The following ANKRD17 variants were observed in gnomAD, a reference collection of about 807,000 sequenced individuals.
The protein encoded by ANKRD17 is ankyrin repeat domain 17.
Under a neutral mutation model 229.7 loss-of-function variants are expected in ANKRD17, and 19 were observed. The ratio of observed to expected loss-of-function variants is 0.08; its 90% CI spans 0.06 to 0.12. The LOEUF is 0.12. Ranked by LOEUF, ANKRD17 falls within the 10% of genes least tolerant of loss-of-function variation. The pLI, the probability that ANKRD17 is intolerant of heterozygous loss-of-function variation, is 1.00. For synonymous variants in ANKRD17, 1,112 were observed against 1,146.1 expected, an observed-to-expected ratio of 0.97 and a Z score of 0.60; for missense variants, 2,176 against 3,176.8, an observed-to-expected ratio of 0.68 and a Z score of 7.57.
intron 18 of ANKRD17, among the ~76,000 whole-genome samples, chr4:73,123,414 T>G (rs948087509): frequency 7.2e-5 from 11 of 152,026 alleles, no homozygotes; most frequent in Non-Finnish European, 1.3e-4. Flanking sequence ...GCCCCTACTA[T>G]GAATTATAGA....
chr4:73,208,188 CAAAA>C (rs36126530), intron 1 of ANKRD17, among the ~76,000 whole-genome samples: 1 of 67,962 alleles, frequency 1.5e-5, no homozygotes. Context: ...GACTCCGTCT[CAAAA>C]AAAAAAAAAA....
chr4:73,198,729 T>C (rs1738234512), intron 1 of ANKRD17, among the ~76,000 whole-genome samples: 1 of 152,138 alleles, frequency 6.6e-6, no homozygotes, highest in Non-Finnish European at 1.5e-5. Flanking sequence ...ATCAAAATTA[T>C]AAATATTCCT....
chr4:73,205,211 C>T (rs1189850263), intron 1 of ANKRD17, among the ~76,000 whole-genome samples: 1 of 152,078 alleles, frequency 6.6e-6, no homozygotes, highest in Non-Finnish European at 1.5e-5. Context: ...CCTATAGTTG[C>T]AGCTACTCAG....
intron 1 of ANKRD17, among the ~76,000 whole-genome samples, chr4:73,253,634 C>A (rs1483739490): frequency 6.6e-6 from 1 of 152,196 alleles, no homozygotes; most frequent in Non-Finnish European, 1.5e-5. Context: ...AAAATCCATA[C>A]TTTTAACCTT....
At chr4:73,187,861 C>T (rs886327598) in intron 1 of ANKRD17, among the ~76,000 whole-genome samples, 1 of 152,080 alleles carries the variant, frequency 6.6e-6, no homozygotes, top group African/African-American at 2.4e-5. Flanking sequence ...TGCCAAAAGC[C>T]TATGTTCTAG....
intron 1 of ANKRD17, among the ~76,000 whole-genome samples, chr4:73,183,795 AC>A (rs1384344285): frequency 6.6e-6 from 1 of 152,096 alleles, no homozygotes; most frequent in African/African-American, 2.4e-5. Context: ...GAGTCTCTGT[AC>A]TTTTGTTCAT....
intron 15 of ANKRD17, among the ~76,000 whole-genome samples, chr4:73,138,129 T>C (rs1045554600): frequency 3.3e-5 from 5 of 152,162 alleles, no homozygotes; most frequent in East Asian, 1.9e-4. Context: ...AATTTAGGGT[T>C]AATGGTTACT....
intron 1 of ANKRD17, among the ~76,000 whole-genome samples, chr4:73,226,254 C>T (rs181114136): frequency 1.3e-3 from 197 of 152,034 alleles, no homozygotes; most frequent in Non-Finnish European, 7.1e-4. Flanking sequence ...GGATAACAGG[C>T]GTGAGCCACC....
At chr4:73,203,911 A>T (rs1739058100) in intron 1 of ANKRD17, among the ~76,000 whole-genome samples, 1 of 152,124 alleles carries the variant, frequency 6.6e-6, no homozygotes, top group South Asian at 2.1e-4. Context: ...TGAAACTACT[A>T]AAAATCAACA....
At position 73,150,481 on chromosome 4, in the gene ANKRD17, G is replaced by A. The variant is rs189481751; in HGVS notation, c.1329+949C>T. ...CTCATTTAATCCTCACAACTCCAGAGAAAGATATTTTCCTCATTTTACAGA... is the reference window on the plus strand; with the variant it reads ...CTCATTTAATCCTCACAACTCCAGAAAAAGATATTTTCCTCATTTTACAGA... On this transcript the variant is annotated intron_variant, in intron 7 of 33. Transcript: ENST00000358602. Among the ~76,000 whole-genome samples, 17 of 152,086 alleles carry A rather than the reference G, an allele frequency of 1.1e-4. 1 individual carries two copies. The highest frequency in any genetic ancestry group is 4.1e-4 in the African/African-American group (17 of 41,504).
At chr4:73,148,462 C>T (rs1296082655) in intron 8 of ANKRD17, among the ~76,000 whole-genome samples, 1 of 152,140 alleles carries the variant, frequency 6.6e-6, no homozygotes, top group East Asian at 1.9e-4. Context: ...CTATTAAATA[C>T]TTATTAGTAG....
rs1214524412 is a variant in ANKRD17 at position 73,141,621 on chromosome 4, G to A, written c.2332+120C>T. On this transcript the variant is annotated intron_variant, in intron 14 of 33. Transcript: ENST00000358602. ...TCCCAATAACATGCTTTTATCATGG[G>A]TTAAAAATTTAGTAATGCCAACTTA... 3 of 885,258 alleles carry A rather than the reference G, an allele frequency of 3.4e-6. No individual in the cohort carries two copies. In the Admixed American group the frequency reaches 7.2e-5, roughly 21 times the overall value. The allele number at this position is 885,258 out of a possible 1,614,324, so 54.8% of individuals were successfully genotyped here. A position where few individuals can be genotyped will look rare whatever the true frequency, so the allele number is the denominator to read the frequency against.
chr4:73,084,436 G>A (rs1204039742), intron 30 of ANKRD17, among the ~76,000 whole-genome samples: 1 of 149,616 alleles, frequency 6.7e-6, no homozygotes, highest in Non-Finnish European at 1.5e-5. Flanking sequence ...CTGTTGTGTT[G>A]TTAATGCAGA....
intron 2 of ANKRD17, among the ~76,000 whole-genome samples, chr4:73,166,934 A>G (rs1733311131): frequency 6.6e-6 from 1 of 152,196 alleles, no homozygotes; most frequent in South Asian, 2.1e-4. Context: ...AAATAATTGA[A>G]GAAATCTCAA....
intron 1 of ANKRD17, among the ~76,000 whole-genome samples, chr4:73,234,092 T>C (rs997413886): frequency 1.3e-5 from 2 of 152,176 alleles, no homozygotes; most frequent in Non-Finnish European, 2.9e-5. Flanking sequence ...CTCATACTTA[T>C]GGATGTGAAA....
intron 1 of ANKRD17, 59 bp from the exon 2 acceptor site, chr4:73,177,592 G>A: frequency 7.4e-7 from 1 of 1,342,322 alleles, no homozygotes; most frequent in Non-Finnish European, 1.0e-6. Flanking sequence ...AAGGAAAAGA[G>A]GGGAGAGAAA....
At chr4:73,162,840 G>A (rs1732709058) in intron 2 of ANKRD17, among the ~76,000 whole-genome samples, 1 of 151,756 alleles carries the variant, frequency 6.6e-6, no homozygotes, top group Non-Finnish European at 1.5e-5. Context: ...ATCACTTGTG[G>A]TGCTTTTTTG....
intron 24 of ANKRD17, among the ~76,000 whole-genome samples, chr4:73,105,414 A>G (rs141038719): frequency 1.3e-5 from 2 of 151,596 alleles, no homozygotes; most frequent in African/African-American, 4.8e-5. Context: ...TGTGTGTGTG[A>G]CAGAATATCT....
intron 1 of ANKRD17, among the ~76,000 whole-genome samples, chr4:73,246,916 T>C (rs1744557209): frequency 6.6e-6 from 1 of 152,088 alleles, no homozygotes; most frequent in Non-Finnish European, 1.5e-5. Context: ...AAGAAAAATT[T>C]CTAAGAATTG....
Sources: gnomAD v4.1 joint callset for allele counts (sites outside exome capture counted in the v4.1 genomes callset) on GRCh38, gnomAD v4.1.1 for gene constraint, MANE v1.5 for transcripts, NCBI Gene and HGNC (gene_info 2026-07-23, HGNC 2026-07-21) for gene names.